The following FREM1 variants were observed in gnomAD, a reference collection of about 807,000 sequenced individuals.
FREM1 encodes the protein FRAS1 related extracellular matrix 1.
FREM1 carries 220 observed loss-of-function variants against 210.1 expected under a neutral mutation model. The ratio of observed to expected loss-of-function variants is 1.05; its 90% confidence interval spans 0.94 to 1.17. FREM1 has a LOEUF of 1.17. Among genes scored for constraint, FREM1 ranks in the 50% most tolerant of loss-of-function variants. FREM1 has a pLI of 0.00. For missense variants in FREM1, 3,454 were observed against 2,675.5 expected (o/e 1.29, Z -6.42); for synonymous variants, 1,189 against 980.2 (o/e 1.21, Z -3.98).
chr9:14,740,085 T>G, intron 36 of FREM1, 64 bp downstream of exon 36: 1 of 970,350 alleles, frequency 1.0e-6, no homozygotes, highest in Non-Finnish European at 1.6e-6. Flanking sequence ...AGCAGGGTGG[T>G]GGTGCCTGTT....
intron 22 of FREM1, among the ~76,000 whole-genome samples, 180 bp downstream of exon 22, chr9:14,792,563 C>G (rs746273087): frequency 1.4e-4 from 21 of 152,062 alleles, no homozygotes; most frequent in Non-Finnish European, 2.4e-4. Flanking sequence ...TTGAATTTAC[C>G]CCATGTTGAC....
intron 2 of FREM1, among the ~76,000 whole-genome samples, chr9:14,865,203 T>C (rs1422628699): frequency 6.6e-6 from 1 of 152,214 alleles, no homozygotes; most frequent in Non-Finnish European, 1.5e-5. Flanking sequence ...AAAGTAGAGA[T>C]ACTTTCTTAC....
At chr9:14,748,181 A>G (rs1842789882) in intron 31 of FREM1, among the ~76,000 whole-genome samples, 1 of 152,182 alleles carries the variant, frequency 6.6e-6, no homozygotes, top group South Asian at 2.1e-4. Flanking sequence ...AATCATATGG[A>G]TGAATCAGCA....
intron 3 of FREM1, among the ~76,000 whole-genome samples, chr9:14,862,354 C>T (rs1830742598): frequency 6.6e-6 from 1 of 152,176 alleles, no homozygotes; most frequent in South Asian, 2.1e-4. Flanking sequence ...AGGAAATTCA[C>T]ACCAACATAT....
At chr9:14,740,759 C>G (rs1371359595) in intron 35 of FREM1, among the ~76,000 whole-genome samples, 1 of 152,150 alleles carries the variant, frequency 6.6e-6, no homozygotes, top group Non-Finnish European at 1.5e-5. Context: ...ATAGCCCCAA[C>G]TGTCAAACCT....
At chr9:14,874,542 A>G (rs1250147094) in intron 1 of FREM1, among the ~76,000 whole-genome samples, 1 of 149,392 alleles carries the variant, frequency 6.7e-6, no homozygotes, top group Admixed American at 6.7e-5. Context: ...CCATCCTTTT[A>G]TTTTGAGCCT....
At chr9:14,847,116 G>A (rs553331454) in intron 7 of FREM1, among the ~76,000 whole-genome samples, 1 of 152,244 alleles carries the variant, frequency 6.6e-6, no homozygotes, top group Admixed American at 6.5e-5. Flanking sequence ...AAACACAGGA[G>A]ATGGGAAATA....
At chr9:14,744,077 T>C (rs142202866) in intron 35 of FREM1, among the ~76,000 whole-genome samples, 22 of 152,242 alleles carry the variant, frequency 1.4e-4, no homozygotes, top group African/African-American at 5.1e-4. Context: ...TTTAATATTT[T>C]ATCTTATTTG....
Position 14,801,726 on chromosome 9 carries a change from T to C in FREM1, c.3620A>G (p.Glu1207Gly), listed in dbSNP as rs1388827485. The C allele has an allele frequency of 8.7e-6, 14 of 1,613,896 alleles. No homozygotes were observed. The highest frequency in any genetic ancestry group is 1.2e-5 in the Non-Finnish European group (14 of 1,179,896). Residue 1207 changes from glutamate (E) to glycine (G), a missense_variant, in exon 20 of 37, where the codon GAG becomes GGG. Physicochemically the swap from Glu to Gly is moderately conservative, Grantham distance 98 (BLOSUM62 -2). Transcript: ENST00000380880. Reference protein sequence around the residue: ...IDRGFSKDFSENKQPANPHQK... With the variant: ...IDRGFSKDFSGNKQPANPHQK... ...GTGAGGGTTGGCTGGCTGCTTATTCTCAGAGAAGTCTTTGCTAAACCCCCT... is the reference window on the plus strand; with the variant it reads ...GTGAGGGTTGGCTGGCTGCTTATTCCCAGAGAAGTCTTTGCTAAACCCCCT...
intron 28 of FREM1, among the ~76,000 whole-genome samples, chr9:14,757,296 T>G (rs1442327958): frequency 6.6e-6 from 1 of 152,238 alleles, no homozygotes; most frequent in African/African-American, 2.4e-5. Context: ...GGCTCACGCC[T>G]GTAATCCCAG....
rs554316482 is a variant in FREM1 at position 14,879,679 on chromosome 9, C to T, written c.-267-10435G>A. ...ATTAGAGATAAATCATTCAATTTGA[C>T]GGGATTTCTACAAGGTATTGTGGAG... On this transcript the variant is annotated intron_variant, in intron 1 of 36. Coordinates refer to ENST00000380880, the MANE Select transcript of FREM1 (RefSeq NM_001379081.2). 1.6e-4 allele frequency among the ~76,000 whole-genome samples: 25 copies of T among 152,192 alleles called. No homozygotes were observed. The East Asian group carries it at 2.3e-3, about 14-fold the overall frequency.
At position 14,819,259 on chromosome 9, in the gene FREM1, C is replaced by T. The variant is rs1170718068; in HGVS notation, c.2521G>A (p.Gly841Ser). The T allele has an allele frequency of 6.2e-7, 1 of 1,613,138 alleles. No individual in the cohort carries two copies. The highest frequency in any genetic ancestry group is 1.3e-5 in the African/African-American group (1 of 74,902). Reference sequence around the variant, plus strand: ...CTAACTTTTAAGGTATGGAGATCGCCCCAAGAAAATGTGCCCCCTGAATTT... The same window carrying T: ...CTAACTTTTAAGGTATGGAGATCGCTCCAAGAAAATGTGCCCCCTGAATTT... ...PLNSGGTFSW[G>S]DLHTLKVRYQ... Residue 841 changes from glycine to serine, a missense_variant, in exon 14 of 37, where the codon GGC (glycine) becomes AGC (serine). By Grantham distance (56) the Gly-to-Ser change is moderately conservative (BLOSUM62 0). Coordinates refer to ENST00000380880, the MANE Select transcript of FREM1 (RefSeq NM_001379081.2).
intron 1 of FREM1, among the ~76,000 whole-genome samples, chr9:14,895,855 G>C (rs1837623427): frequency 6.6e-6 from 1 of 152,042 alleles, no homozygotes; most frequent in South Asian, 2.1e-4. Flanking sequence ...GCCTGAAGAA[G>C]TTACAGAATA....
intron 15 of FREM1, among the ~76,000 whole-genome samples, chr9:14,816,458 G>A (rs984528397): frequency 6.6e-6 from 1 of 152,138 alleles, no homozygotes; most frequent in East Asian, 1.9e-4. Context: ...AGCATGCATT[G>A]AAAACTTGCA....
chr9:14,799,516 A>G (rs982828627), intron 20 of FREM1, among the ~76,000 whole-genome samples: 10 of 152,148 alleles, frequency 6.6e-5, no homozygotes, highest in African/African-American at 2.4e-4. Flanking sequence ...TTTTTTCTTC[A>G]AAATGACTGT....
intron 1 of FREM1, among the ~76,000 whole-genome samples, chr9:14,882,628 T>C (rs1834993795): frequency 6.6e-6 from 1 of 150,964 alleles, no homozygotes; most frequent in East Asian, 1.9e-4. Context: ...CTAATTTTTG[T>C]ATTATTTTTA....
chr9:14,790,377 G>C (rs894553710), intron 22 of FREM1, among the ~76,000 whole-genome samples: 1 of 152,102 alleles, frequency 6.6e-6, no homozygotes, highest in African/African-American at 2.4e-5. Flanking sequence ...CTCACTGGAT[G>C]GAAGTTAATT....
chr9:14,810,099 C>T (rs899283364), intron 16 of FREM1, among the ~76,000 whole-genome samples: 9 of 151,990 alleles, frequency 5.9e-5, no homozygotes, highest in Non-Finnish European at 1.2e-4. Context: ...GATGCCTTTG[C>T]TGGCTTTGTG....
chr9:14,868,671 C>T (rs2131838085), intron 2 of FREM1, 73 bp downstream of exon 2: 1 of 939,196 alleles, frequency 1.1e-6, no homozygotes, highest in Non-Finnish European at 1.7e-6. Flanking sequence ...CATCTGTTCT[C>T]TGTCCCCCCA....
Sources: gnomAD v4.1 joint callset for allele counts (sites outside exome capture counted in the v4.1 genomes callset) on GRCh38, gnomAD v4.1.1 for gene constraint, MANE v1.5 for transcripts, NCBI Gene and HGNC (gene_info 2026-07-23, HGNC 2026-07-21) for gene names.